The following ROBO1 variants were observed in gnomAD, a reference collection of about 807,000 sequenced individuals.
ROBO1 encodes the protein roundabout homolog 1.
Under a neutral mutation model 195.9 loss-of-function variants are expected in ROBO1, and 149 were observed. The observed-to-expected ratio is 0.76, with a 90% CI of 0.67 to 0.87. The LOEUF is 0.87. Ranked by LOEUF, ROBO1 falls within the 40% of genes least tolerant of loss-of-function variation. The probability of loss-of-function intolerance (pLI) is 0.00; values close to 1 mark genes in which losing one functional copy is unlikely to be tolerated. For synonymous variants in ROBO1, 816 were observed against 733.2 expected (o/e 1.11, Z -1.82); for missense variants, 1,933 against 2,068.3 (o/e 0.93, Z 1.27).
intron 1 of ROBO1, among the ~76,000 whole-genome samples, chr3:79,696,328 C>T (rs1038814872): frequency 3.3e-5 from 5 of 150,944 alleles, no homozygotes; most frequent in Non-Finnish European, 3.0e-5. Flanking sequence ...TAATATTAAA[C>T]TTGAAGCCTA....
At chr3:79,659,652 A>G (rs1946272976) in intron 1 of ROBO1, among the ~76,000 whole-genome samples, 1 of 152,036 alleles carries the variant, frequency 6.6e-6, no homozygotes, top group African/African-American at 2.4e-5. Flanking sequence ...TAGACCTCAC[A>G]GAAAACAATT....
chr3:79,743,892 C>T (rs566256292), intron 1 of ROBO1, among the ~76,000 whole-genome samples: 2 of 152,176 alleles, frequency 1.3e-5, no homozygotes, highest in Non-Finnish European at 2.9e-5. Context: ...GCCGTCGTCT[C>T]TACGGTAACA....
At chr3:79,355,097 T>C (rs1380636597) in intron 2 of ROBO1, among the ~76,000 whole-genome samples, 1 of 151,710 alleles carries the variant, frequency 6.6e-6, no homozygotes, top group Non-Finnish European at 1.5e-5. Flanking sequence ...AGCCAGGAGG[T>C]GGAGCTTGCA....
At chr3:78,830,578 G>C (rs894514536) in intron 4 of ROBO1, among the ~76,000 whole-genome samples, 2 of 152,108 alleles carry the variant, frequency 1.3e-5, no homozygotes, top group Admixed American at 1.3e-4. Context: ...CCAGTGAAGG[G>C]GAAGCCCTTA....
At chr3:78,618,517 C>A (rs1704260073) in intron 26 of ROBO1, among the ~76,000 whole-genome samples, 1 of 151,982 alleles carries the variant, frequency 6.6e-6, no homozygotes, top group Non-Finnish European at 1.5e-5. Flanking sequence ...CAAATGAAGT[C>A]ATTCATCTTC....
At chr3:79,503,465 A>G (rs1213606503) in intron 2 of ROBO1, among the ~76,000 whole-genome samples, 1 of 152,214 alleles carries the variant, frequency 6.6e-6, no homozygotes, top group Non-Finnish European at 1.5e-5. Flanking sequence ...TTCCGGACAC[A>G]CAAGCACAAT....
intron 2 of ROBO1, among the ~76,000 whole-genome samples, chr3:79,179,109 C>G (rs2081300835): frequency 6.6e-6 from 1 of 152,194 alleles, no homozygotes; most frequent in South Asian, 2.1e-4. Flanking sequence ...TTCCCTCAAA[C>G]GATGTTTCAA....
At chr3:79,232,464 A>C (rs545611823) in intron 2 of ROBO1, among the ~76,000 whole-genome samples, 6 of 151,716 alleles carry the variant, frequency 4.0e-5, no homozygotes, top group African/African-American at 1.2e-4. Flanking sequence ...AGAGAAAAAA[A>C]AAACAAACAT....
At chr3:78,625,726 G>A (rs1475394824) in intron 26 of ROBO1, among the ~76,000 whole-genome samples, 1 of 152,210 alleles carries the variant, frequency 6.6e-6, no homozygotes, top group East Asian at 1.9e-4. Flanking sequence ...GAAAGCATAA[G>A]TATGATACAA....
At chr3:78,778,677 C>T (rs1042164635) in intron 4 of ROBO1, among the ~76,000 whole-genome samples, 5 of 152,124 alleles carry the variant, frequency 3.3e-5, no homozygotes, top group African/African-American at 1.2e-4. Context: ...GTATTGTGAA[C>T]ATGACCATAA....
chr3:79,292,227 G>A (rs11718506), intron 2 of ROBO1, among the ~76,000 whole-genome samples: 7 of 152,146 alleles, frequency 4.6e-5, no homozygotes, highest in African/African-American at 1.7e-4. Context: ...CATTGATTTT[G>A]TAACCTGAGA....
intron 1 of ROBO1, among the ~76,000 whole-genome samples, chr3:79,714,950 T>A (rs1258805189): frequency 1.3e-5 from 2 of 151,676 alleles, no homozygotes; most frequent in African/African-American, 4.8e-5. Flanking sequence ...TATACATATG[T>A]AACTAACCTG....
intron 1 of ROBO1, among the ~76,000 whole-genome samples, chr3:79,664,831 T>A (rs1946430263): frequency 6.6e-6 from 1 of 151,996 alleles, no homozygotes; most frequent in Non-Finnish European, 1.5e-5. Context: ...CTTCCGGTAC[T>A]GTAGGCAGGT....
At chr3:79,534,904 G>A (rs920110928) in intron 2 of ROBO1, among the ~76,000 whole-genome samples, 2 of 152,040 alleles carry the variant, frequency 1.3e-5, no homozygotes, top group African/African-American at 4.8e-5. Context: ...GCATACTAAC[G>A]ACTGCAGCTT....
chr3:78,620,568 TA>T (rs1704394032), intron 26 of ROBO1, among the ~76,000 whole-genome samples: 1 of 152,222 alleles, frequency 6.6e-6, no homozygotes, highest in Non-Finnish European at 1.5e-5. Context: ...TGAACTTTGA[TA>T]AATCTGTTCA....
At chr3:79,550,330 C>A (rs542152774) in intron 2 of ROBO1, among the ~76,000 whole-genome samples, 4 of 152,138 alleles carry the variant, frequency 2.6e-5, no homozygotes, top group Non-Finnish European at 4.4e-5. Context: ...ACACTAACAC[C>A]TTTCTAATGG....
intron 4 of ROBO1, among the ~76,000 whole-genome samples, chr3:78,812,745 G>A (rs1825760): frequency 0.26 from 40,174 of 151,856 alleles, 5,493 homozygotes; most frequent in Non-Finnish European, 0.28. Flanking sequence ...CCACTAAAAC[G>A]ATACTAAATT....
intron 3 of ROBO1, among the ~76,000 whole-genome samples, chr3:79,009,602 G>A (rs1036064576): frequency 2.0e-5 from 3 of 152,168 alleles, no homozygotes; most frequent in Admixed American, 2.0e-4. Flanking sequence ...TTCTGAAAGA[G>A]TATTGATTAC....
intron 1 of ROBO1, among the ~76,000 whole-genome samples, chr3:79,630,803 A>T (rs1261822868): frequency 6.6e-6 from 1 of 152,008 alleles, no homozygotes; most frequent in Admixed American, 6.6e-5. Flanking sequence ...AAATCAACAT[A>T]AAAAAATCAG....
Sources: gnomAD v4.1 joint callset for allele counts (sites outside exome capture counted in the v4.1 genomes callset) on GRCh38, gnomAD v4.1.1 for gene constraint, MANE v1.5 for transcripts, NCBI Gene and HGNC (gene_info 2026-07-23, HGNC 2026-07-21) for gene names.